Variants in DOK5 observed in about 807,000 individuals in gnomAD.
DOK5 encodes the protein docking protein 5.
A neutral mutation model predicts 43.3 loss-of-function variants in DOK5; 27 were observed. The observed-to-expected ratio is 0.62, with a 90% CI of 0.46 to 0.86. The LOEUF is 0.86. Among genes scored for constraint, DOK5 ranks in the 40% least tolerant of loss-of-function variants. The pLI is 0.00. For synonymous variants in DOK5, 146 were observed against 140.1 expected (o/e 1.04, Z -0.30); for missense variants, 373 against 392.9 (o/e 0.95, Z 0.43).
At chr20:54,586,077 T>C (rs1431275813) in intron 2 of DOK5, among the ~76,000 whole-genome samples, 1 of 152,152 alleles carries the variant, frequency 6.6e-6, no homozygotes, top group Admixed American at 6.6e-5. Context: ...TGAGCTGAGA[T>C]CAGCGTGGGC....
chr20:54,586,686 G>T (rs572347163), intron 2 of DOK5, among the ~76,000 whole-genome samples: 16 of 152,180 alleles, frequency 1.1e-4, no homozygotes, highest in African/African-American at 3.6e-4. Context: ...CTAGGTGTTA[G>T]GATGGGAGGT....
intron 1 of DOK5, among the ~76,000 whole-genome samples, chr20:54,543,753 A>T (rs968458333): frequency 6.6e-6 from 1 of 152,202 alleles, no homozygotes; most frequent in African/African-American, 2.4e-5. Context: ...AACCTCCTTT[A>T]TGTACTTAAT....
chr20:54,573,380 G>A (rs1985352661), intron 2 of DOK5, among the ~76,000 whole-genome samples: 1 of 152,100 alleles, frequency 6.6e-6, no homozygotes, highest in African/African-American at 2.4e-5. Context: ...ATAAAATAAA[G>A]CTGGGCTTTT....
In DOK5 at chr20:54,591,758, GCGGCGGTA is replaced by G; in HGVS notation, c.553_560del (p.Arg185TrpfsTer3). 1.2e-6 allele frequency: 2 copies of G among 1,614,184 alleles called. No homozygotes were observed. The highest frequency in any genetic ancestry group is 1.7e-6 in the Non-Finnish European group (2 of 1,180,038). On this transcript the variant is annotated frameshift_variant, in exon 5 of 8. Transcript: ENST00000262593. LOFTEE classifies it high-confidence loss of function. ...TCATCTCTTGGCCGCTAAGCGCCCT[GCGGCGGTA>G]TGGACGTGATACTACGTGGTTCACT...
At chr20:54,627,310 C>T (rs901488300) in intron 6 of DOK5, among the ~76,000 whole-genome samples, 22 of 152,154 alleles carry the variant, frequency 1.4e-4, no homozygotes, top group Non-Finnish European at 2.8e-4. Flanking sequence ...TTTCTAAACT[C>T]GGGAGTAGGA....
chr20:54,492,009 C>A (rs1328229521), intron 1 of DOK5, among the ~76,000 whole-genome samples: 2 of 151,738 alleles, frequency 1.3e-5, no homozygotes, highest in African/African-American at 4.8e-5. Flanking sequence ...AGAAAATGGA[C>A]CCACTCTATC....
chr20:54,555,056 T>G lies in DOK5; in HGVS notation c.174+16T>G, dbSNP rs774382790. ...TTATCATAAGGTAAGACTCAATTGC[T>G]GTAGCTTTCCAGTAATCTATTTACA... On this transcript the variant is annotated intron_variant, in intron 2 of 7. Coordinates refer to ENST00000262593, the MANE Select transcript of DOK5 (RefSeq NM_018431.5). 2 of 1,549,076 alleles carry G rather than the reference T, an allele frequency of 1.3e-6. No individual in the cohort carries two copies. Among genetic ancestry groups the G allele is most frequent in the Non-Finnish European group, 1.8e-6 (2 of 1,120,850 alleles).
chr20:54,572,135 AC>A (rs1413383567), intron 2 of DOK5, among the ~76,000 whole-genome samples: 1 of 151,842 alleles, frequency 6.6e-6, no homozygotes, highest in Non-Finnish European at 1.5e-5. Flanking sequence ...GTCTGTATGA[AC>A]AAATTAACCT....
intron 6 of DOK5, among the ~76,000 whole-genome samples, chr20:54,617,798 AT>A (rs1415358276): frequency 1.3e-5 from 2 of 152,238 alleles, no homozygotes; most frequent in African/African-American, 2.4e-5. Context: ...ACTTTTAAAT[AT>A]TTTTCCTACT....
chr20:54,545,086 C>T (rs935873194), intron 1 of DOK5, among the ~76,000 whole-genome samples: 1 of 152,182 alleles, frequency 6.6e-6, no homozygotes, highest in Non-Finnish European at 1.5e-5. Context: ...GTTAGCTTGG[C>T]CCAAGCCCAA....
At chr20:54,505,102 G>A (rs1367718511) in intron 1 of DOK5, among the ~76,000 whole-genome samples, 1 of 152,020 alleles carries the variant, frequency 6.6e-6, no homozygotes, top group Non-Finnish European at 1.5e-5. Context: ...GTTTGAATTG[G>A]TTCTGCAGTT....
chr20:54,524,500 C>T (rs975509580), intron 1 of DOK5, among the ~76,000 whole-genome samples: 6 of 152,196 alleles, frequency 3.9e-5, no homozygotes, highest in African/African-American at 1.4e-4. Flanking sequence ...CTGTGACTAA[C>T]ACTGAAACAG....
intron 1 of DOK5, among the ~76,000 whole-genome samples, chr20:54,554,199 A>G (rs1430376260): frequency 3.3e-5 from 5 of 152,194 alleles, no homozygotes; most frequent in Non-Finnish European, 1.5e-5. Flanking sequence ...GAAAGGCTAG[A>G]TCTCAGTATT....
At chr20:54,522,510 TTTTC>T (rs1196512496) in intron 1 of DOK5, among the ~76,000 whole-genome samples, 9 of 151,276 alleles carry the variant, frequency 5.9e-5, no homozygotes, top group East Asian at 1.9e-4. Flanking sequence ...TTCTTTTTCT[TTTTC>T]TTTCTTTCTT....
chr20:54,491,125 G>A (rs1474811965), intron 1 of DOK5, among the ~76,000 whole-genome samples: 1 of 152,114 alleles, frequency 6.6e-6, no homozygotes, highest in African/African-American at 2.4e-5. Context: ...TTAATTGCAT[G>A]CAGAATCATG....
chr20:54,648,495 C>G (rs909764688), intron 7 of DOK5, among the ~76,000 whole-genome samples: 14 of 152,182 alleles, frequency 9.2e-5, no homozygotes, highest in African/African-American at 3.4e-4. Context: ...CTGCAACACC[C>G]CAAGACCTTA....
intron 1 of DOK5, among the ~76,000 whole-genome samples, chr20:54,489,905 T>C (rs1367306988): frequency 6.6e-6 from 1 of 152,216 alleles, no homozygotes; most frequent in African/African-American, 2.4e-5. Context: ...TGAAAGTTGC[T>C]TTGGAGGATG....
At chr20:54,543,485 T>C (rs1245036291) in intron 1 of DOK5, among the ~76,000 whole-genome samples, 1 of 152,058 alleles carries the variant, frequency 6.6e-6, no homozygotes, top group South Asian at 2.1e-4. Flanking sequence ...TCTCAAAAGG[T>C]ACTTGCTACA....
At chr20:54,525,739 T>G (rs1600680372) in intron 1 of DOK5, among the ~76,000 whole-genome samples, 1 of 152,208 alleles carries the variant, frequency 6.6e-6, no homozygotes, top group Admixed American at 6.5e-5. Flanking sequence ...AAGTAAACCA[T>G]GTTTTACTGC....
Sources: gnomAD v4.1 joint callset for allele counts (sites outside exome capture counted in the v4.1 genomes callset) on GRCh38, gnomAD v4.1.1 for gene constraint, MANE v1.5 for transcripts, NCBI Gene and HGNC (gene_info 2026-07-23, HGNC 2026-07-21) for gene names.